TSPAN15: variants seen among roughly 807,000 people sequenced by gnomAD.
TSPAN15 encodes tetraspanin-15.
A neutral mutation model predicts 34.5 loss-of-function variants in TSPAN15; 20 were observed. The ratio of observed to expected loss-of-function variants is 0.58; its 90% CI spans 0.41 to 0.84. The LOEUF (loss-of-function observed/expected upper bound fraction) is 0.84. Ranked by LOEUF, TSPAN15 falls within the 40% of genes least tolerant of loss-of-function variation. The pLI is 0.00. For missense variants in TSPAN15, 313 were observed against 386.1 expected, an observed-to-expected ratio of 0.81 and a Z score of 1.59; for synonymous variants, 155 against 153.9, an observed-to-expected ratio of 1.01 and a Z score of -0.05.
chr10:69,530,481 G>A, the TSPAN15 span, among the ~76,000 whole-genome samples: 2 of 147,452 alleles, frequency 1.4e-5, no homozygotes, highest in Non-Finnish European at 3.0e-5. Flanking sequence ...CCGTAAAATG[G>A]CCTAAAAAAT....
At chr10:69,539,181 T>C in the TSPAN15 span, among the ~76,000 whole-genome samples, 815 of 152,030 alleles carry the variant, frequency 5.4e-3, 7 homozygotes, top group African/African-American at 0.018. Context: ...TTCTCATGTA[T>C]AGGTGGGAGA....
chr10:69,498,331 C>G lies in TSPAN15; in HGVS notation c.505C>G (p.His169Asp). 1 of 1,613,960 alleles carries G rather than the reference C, an allele frequency of 6.2e-7. No homozygotes were observed. The change falls in exon 5 of 8, where the codon CAC (histidine) becomes GAC (aspartate). Residue 169 changes from histidine (H) to aspartate (D), a missense_variant. By Grantham distance (81) the His-to-Asp change is moderately conservative. Transcript: ENST00000373290. ...CCGAGATTGGAGCAAGAATCAGTAC[C>G]ACGACTGCAGTGCCCCTGGACCCCT... is the stretch of plus-strand genomic sequence containing the variant. ...DYRDWSKNQY[H>D]DCSAPGPLAC... is the part of the protein sequence containing the mutation.
In TSPAN15 at chr10:69,498,191, G is replaced by T. The variant is rs1414753155; in HGVS notation, c.454-89G>T. ...CCCAGGGTGACCCACATAATAAACT[G>T]CCTCCGTCTCCTGACAGGGCCCCTT... is the stretch of plus-strand genomic sequence containing the variant. On this transcript the variant is annotated intron_variant, in intron 4 of 7. Coordinates refer to ENST00000373290, the MANE Select transcript of TSPAN15 (RefSeq NM_012339.5). The T allele has an allele frequency of 2.6e-6, 3 of 1,161,384 alleles. No individual in the cohort carries two copies. In the African/African-American group the frequency reaches 4.5e-5, roughly 18 times the overall value. 71.9% of individuals were successfully genotyped at this position (1,161,384 alleles called of 1,614,324 possible).
the TSPAN15 span, among the ~76,000 whole-genome samples, chr10:69,528,129 G>A: frequency 7.4e-5 from 11 of 147,970 alleles, 1 homozygote; most frequent in Non-Finnish European, 1.6e-4. Context: ...GAGTATGTGA[G>A]CAAGCGTGGA....
At chr10:69,536,962 C>T in the TSPAN15 span, among the ~76,000 whole-genome samples, 2 of 143,944 alleles carry the variant, frequency 1.4e-5, no homozygotes, top group South Asian at 2.2e-4. Flanking sequence ...CCAGCCTGGG[C>T]AAGAAGAGTG....
At chr10:69,535,730 C>G in the TSPAN15 span, among the ~76,000 whole-genome samples, 1 of 152,252 alleles carries the variant, frequency 6.6e-6, no homozygotes, top group Non-Finnish European at 1.5e-5. Context: ...GGCCCTCACT[C>G]TCATCTGACA....
At chr10:69,473,323 T>C (rs994552971) in intron 1 of TSPAN15, among the ~76,000 whole-genome samples, 2 of 152,164 alleles carry the variant, frequency 1.3e-5, no homozygotes, top group African/African-American at 4.8e-5. Flanking sequence ...TTGGCTTTAG[T>C]ATTTCCAGGA....
intron 1 of TSPAN15, among the ~76,000 whole-genome samples, chr10:69,462,051 G>T (rs1282436393): frequency 6.6e-6 from 1 of 151,402 alleles, no homozygotes; most frequent in African/African-American, 2.4e-5. Context: ...TCCAATCATG[G>T]CTCACTGTGG....
At chr10:69,484,886 A>G (rs1324376652) in intron 2 of TSPAN15, among the ~76,000 whole-genome samples, 1 of 152,134 alleles carries the variant, frequency 6.6e-6, no homozygotes, top group Non-Finnish European at 1.5e-5. Flanking sequence ...CCCCCAAGAC[A>G]AATGGAGGTA....
chr10:69,466,629 G>A (rs1196700954), intron 1 of TSPAN15, among the ~76,000 whole-genome samples: 3 of 152,168 alleles, frequency 2.0e-5, no homozygotes, highest in Admixed American at 6.5e-5. Context: ...ACCTGACCAC[G>A]TGGAGACGTG....
chr10:69,515,923 GC>G, the TSPAN15 span, among the ~76,000 whole-genome samples: 5 of 152,186 alleles, frequency 3.3e-5, no homozygotes, highest in Admixed American at 3.3e-4. Context: ...TCTGCTTTCC[GC>G]CCCCTACCCC....
At chr10:69,486,760 AG>A (rs1841862787) in intron 3 of TSPAN15, among the ~76,000 whole-genome samples, 1 of 152,216 alleles carries the variant, frequency 6.6e-6, no homozygotes, top group African/African-American at 2.4e-5. Flanking sequence ...GGACCACACC[AG>A]TTCTGCTGGG....
At chr10:69,517,742 C>T in the TSPAN15 span, among the ~76,000 whole-genome samples, 2 of 152,168 alleles carry the variant, frequency 1.3e-5, no homozygotes, top group Admixed American at 6.5e-5. Flanking sequence ...ACCACACGCC[C>T]CAATATCCCT....
At chr10:69,499,128 T>A (rs1363203232) in intron 5 of TSPAN15, among the ~76,000 whole-genome samples, 1 of 152,246 alleles carries the variant, frequency 6.6e-6, no homozygotes, top group Non-Finnish European at 1.5e-5. Context: ...AAAGGCTTCA[T>A]CAGTCCTTGT....
intron 5 of TSPAN15, among the ~76,000 whole-genome samples, chr10:69,500,841 G>A (rs1390006515): frequency 6.6e-6 from 1 of 152,090 alleles, no homozygotes; most frequent in African/African-American, 2.4e-5. Flanking sequence ...TAAAATTAAT[G>A]ATCACATGAA....
the TSPAN15 span, among the ~76,000 whole-genome samples, chr10:69,517,291 G>A: frequency 1.3e-4 from 20 of 152,316 alleles, no homozygotes; most frequent in East Asian, 2.3e-3. Flanking sequence ...CACACAAATA[G>A]AAAATATCCA....
At chr10:69,508,365 C>T (rs1446450019), downstream of TSPAN15, among the ~76,000 whole-genome samples, 11 of 144,624 alleles carry the variant, frequency 7.6e-5, no homozygotes, top group Admixed American at 1.4e-4. Context: ...CGCTTGAACC[C>T]GGGAGGCGGA....
rs3750790 is a variant in TSPAN15, at chr10:69,507,661, T to G, written c.*683T>G. 314,979 of 1,192,512 alleles carry G rather than the reference T, an allele frequency of 0.26. 11,351 individuals are homozygous for G. The highest frequency in any genetic ancestry group is 0.28 in the Non-Finnish European group (262,933 of 938,992). The allele number at this position is 1,192,512 out of a possible 1,614,324, so 73.9% of individuals were successfully genotyped here. On this transcript the variant is annotated 3_prime_UTR_variant, in exon 8 of 8. Coordinates refer to ENST00000373290, the MANE Select transcript of TSPAN15 (RefSeq NM_012339.5). ...AAACAATAAAAACATGTTTTTTTTT[T>G]TTTTTTTTTTTTGCCTTTCCTGTGT... is the stretch of plus-strand genomic sequence containing the variant.
chr10:69,452,269 G>A (rs772043672), intron 1 of TSPAN15, among the ~76,000 whole-genome samples: 22 of 152,316 alleles, frequency 1.4e-4, no homozygotes, highest in Non-Finnish European at 2.4e-4. Context: ...GCTGTCGCTG[G>A]GCTTTACCTC....
Sources: gnomAD v4.1 joint callset for allele counts (sites outside exome capture counted in the v4.1 genomes callset) on GRCh38, gnomAD v4.1.1 for gene constraint, MANE v1.5 for transcripts, NCBI Gene and HGNC (gene_info 2026-07-23, HGNC 2026-07-21) for gene names.